ASB3: variants seen among roughly 807,000 people sequenced by gnomAD.
ASB3 encodes ankyrin repeat and SOCS box containing 3.
In ASB3, 41 loss-of-function variants were observed where a neutral mutation model predicts 54.5. The observed-to-expected ratio is 0.75, with a 90% CI of 0.59 to 0.98. ASB3 has a LOEUF of 0.98. ASB3 is among the 50% of genes least tolerant of loss of function. The pLI is 0.00. For missense variants in ASB3, 733 were observed against 620.0 expected (o/e 1.18, Z -1.94); for synonymous variants, 266 against 221.2 (o/e 1.20, Z -1.80).
chr2:53,739,287 G>T (rs1046448509), intron 3 of ASB3, among the ~76,000 whole-genome samples: 1 of 152,146 alleles, frequency 6.6e-6, no homozygotes, highest in Non-Finnish European at 1.5e-5. Flanking sequence ...CAACTCAGTT[G>T]TGGCATGCAA....
intron 2 of ASB3, among the ~76,000 whole-genome samples, chr2:53,757,972 G>C (rs1672928546): frequency 6.6e-6 from 1 of 152,098 alleles, no homozygotes; most frequent in Admixed American, 6.5e-5. Flanking sequence ...TAATAGATCA[G>C]GATGAAAGCG....
intron 9 of ASB3, among the ~76,000 whole-genome samples, chr2:53,686,149 C>T (rs1037560971): frequency 6.6e-6 from 1 of 152,196 alleles, no homozygotes; most frequent in Non-Finnish European, 1.5e-5. Flanking sequence ...CTCTCTATAG[C>T]TTCCTTTGAT....
At chr2:53,705,333 A>G (rs1357122686) in intron 7 of ASB3, among the ~76,000 whole-genome samples, 2 of 152,212 alleles carry the variant, frequency 1.3e-5, no homozygotes, top group Non-Finnish European at 2.9e-5. Flanking sequence ...ACAAATTGTA[A>G]TTATGCTCAC....
At chr2:53,707,330 CTT>C (rs1170688060) in intron 7 of ASB3, among the ~76,000 whole-genome samples, 1 of 152,178 alleles carries the variant, frequency 6.6e-6, no homozygotes, top group Non-Finnish European at 1.5e-5. Flanking sequence ...TTGGCACCAT[CTT>C]GTTAGCTTGT....
At chr2:53,685,194 A>AT (rs1668573338) in intron 9 of ASB3, among the ~76,000 whole-genome samples, 1 of 152,174 alleles carries the variant, frequency 6.6e-6, no homozygotes, top group South Asian at 2.1e-4. Flanking sequence ...TTTAACAGTG[A>AT]TTTTCAGAAT....
At chr2:53,786,028 G>A (rs1403030442) in intron 1 of ASB3, among the ~76,000 whole-genome samples, 1 of 152,056 alleles carries the variant, frequency 6.6e-6, no homozygotes, top group Non-Finnish European at 1.5e-5. Context: ...TTTTGATTTG[G>A]TTCAAATCTG....
intron 9 of ASB3, among the ~76,000 whole-genome samples, chr2:53,673,441 T>C (rs1386503451): frequency 6.6e-6 from 1 of 152,232 alleles, no homozygotes; most frequent in Non-Finnish European, 1.5e-5. Context: ...AAACTTAATG[T>C]AGTGCTGACC....
rs1469125633 is a variant in ASB3, at chr2:53,765,546, G to A, written c.27C>T (p.Asp9=). The change falls in exon 2 of 10, where the codon GAC becomes GAT. Residue 9 remains aspartate, a synonymous_variant. Coordinates refer to ENST00000263634, the MANE Select transcript of ASB3 (RefSeq NM_016115.5). MDFTEAYA[D]TCSTVGLAAR... is the part of the protein sequence containing the mutation. ...CAGCAAGTCCAACTGTAGAGCACGT[G>A]TCCGCGTAAGCCTCTGTAAAATCCA... The A allele has an allele frequency of 6.2e-7, 1 of 1,614,048 alleles. No individual in the cohort carries two copies. Among genetic ancestry groups the A allele is most frequent in the Admixed American group, 1.7e-5 (1 of 60,004 alleles).
At chr2:53,726,663 C>A (rs979031400) in intron 5 of ASB3, among the ~76,000 whole-genome samples, 1 of 151,280 alleles carries the variant, frequency 6.6e-6, no homozygotes, top group Non-Finnish European at 1.5e-5. Flanking sequence ...TATATACACA[C>A]ACATATATAT....
intron 1 of ASB3, 48 bp from the exon 2 acceptor site, chr2:53,765,633 TTCA>T (rs751806278): frequency 1.9e-6 from 3 of 1,608,256 alleles, no homozygotes; most frequent in African/African-American, 1.3e-5. Context: ...AAAACAACAC[TTCA>T]CTCCTAGAGG....
chr2:53,710,548 A>T (rs1416062760), intron 7 of ASB3, among the ~76,000 whole-genome samples: 1 of 152,184 alleles, frequency 6.6e-6, no homozygotes, highest in Non-Finnish European at 1.5e-5. Context: ...TATGTCAAAT[A>T]ATTTTAGGTT....
At chr2:53,712,408 T>C (rs1433757802) in intron 7 of ASB3, among the ~76,000 whole-genome samples, 1 of 152,126 alleles carries the variant, frequency 6.6e-6, no homozygotes, top group African/African-American at 2.4e-5. Context: ...TCAATTAGTG[T>C]TACTGACTGA....
chr2:53,729,310 A>T, intron 4 of ASB3, 148 bp downstream of exon 4: 1 of 681,432 alleles, frequency 1.5e-6, no homozygotes, highest in Non-Finnish European at 2.4e-6. Flanking sequence ...ATTCAGAATC[A>T]TCATTAGCAT....
chr2:53,740,194 G>A (rs116583706), intron 3 of ASB3, among the ~76,000 whole-genome samples: 2 of 152,042 alleles, frequency 1.3e-5, no homozygotes, highest in African/African-American at 2.4e-5. Context: ...CATGTACTCT[G>A]TTCTCCATTA....
At chr2:53,689,828 C>A (rs1668814844) in intron 9 of ASB3, among the ~76,000 whole-genome samples, 1 of 151,924 alleles carries the variant, frequency 6.6e-6, no homozygotes, top group African/African-American at 2.4e-5. Flanking sequence ...CTTTGAAGAT[C>A]AACTGTTACT....
intron 9 of ASB3, among the ~76,000 whole-genome samples, chr2:53,682,237 A>G (rs1668414595): frequency 6.6e-6 from 1 of 151,992 alleles, no homozygotes; most frequent in Non-Finnish European, 1.5e-5. Flanking sequence ...TAGGAATTGC[A>G]TTGAATCTGT....
At chr2:53,677,721 T>G (rs2357491) in intron 9 of ASB3, among the ~76,000 whole-genome samples, 12,274 of 152,170 alleles carry the variant, frequency 0.081, 539 homozygotes, top group East Asian at 0.18. Flanking sequence ...TAGTAAATTT[T>G]GTAAAAAATA....
At chr2:53,767,101 A>T (rs1673515435) in intron 1 of ASB3, among the ~76,000 whole-genome samples, 1 of 152,172 alleles carries the variant, frequency 6.6e-6, no homozygotes, top group African/African-American at 2.4e-5. Flanking sequence ...GTACACCCCA[A>T]ATTTTGTATA....
chr2:53,702,637 C>A (rs1025643210), intron 7 of ASB3, among the ~76,000 whole-genome samples: 4 of 152,118 alleles, frequency 2.6e-5, no homozygotes, highest in Admixed American at 2.6e-4. Flanking sequence ...TGAACAACAT[C>A]AGATACTGAG....
Sources: gnomAD v4.1 joint callset for allele counts (sites outside exome capture counted in the v4.1 genomes callset) on GRCh38, gnomAD v4.1.1 for gene constraint, MANE v1.5 for transcripts, NCBI Gene and HGNC (gene_info 2026-07-23, HGNC 2026-07-21) for gene names.